TFDP2: variants seen among roughly 807,000 people sequenced by gnomAD.
TFDP2 encodes transcription factor Dp-2 (E2F dimerization partner 2).
Under a neutral mutation model 59.3 loss-of-function variants are expected in TFDP2, and 17 were observed. The ratio of observed to expected loss-of-function variants is 0.29; its 90% CI spans 0.20 to 0.43. TFDP2 has a LOEUF of 0.43. Ranked by LOEUF, TFDP2 falls within the 20% of genes least tolerant of loss-of-function variation. The pLI is 1.00. For missense variants in TFDP2, 391 were observed against 528.8 expected, an observed-to-expected ratio of 0.74 and a Z score of 2.56; for synonymous variants, 180 against 194.7, an observed-to-expected ratio of 0.92 and a Z score of 0.63.
At chr3:142,142,967 G>A (rs763621371) in intron 1 of TFDP2, among the ~76,000 whole-genome samples, 8 of 152,342 alleles carry the variant, frequency 5.3e-5, no homozygotes, top group South Asian at 2.1e-4. Context: ...TGGGCAAGGT[G>A]GCTCACGCCT....
chr3:141,974,363 C>A lies in TFDP2; in HGVS notation c.520-172G>T, dbSNP rs116348320. On this transcript the variant is annotated intron_variant, in intron 7 of 12. Transcript: ENST00000489671. ...GAATTCTATATTCCGAGAAAATATC[C>A]TTCAAAATTAAAGATGAAATAAAAA... Among the ~76,000 whole-genome samples the A allele has an allele frequency of 1.2e-3, 180 of 151,970 alleles. 1 individual carries two copies. Among genetic ancestry groups the A allele is most frequent in the African/African-American group, 4.1e-3 (169 of 41,468 alleles).
chr3:142,073,158 C>A (rs932398748), intron 3 of TFDP2, among the ~76,000 whole-genome samples: 5 of 152,324 alleles, frequency 3.3e-5, no homozygotes, highest in Non-Finnish European at 5.9e-5. Flanking sequence ...TGGCCTCAAA[C>A]TCCTGGGCTC....
intron 10 of TFDP2, 131 bp downstream of exon 10, chr3:141,963,681 G>A: frequency 9.5e-7 from 1 of 1,049,112 alleles, no homozygotes; most frequent in Non-Finnish European, 1.4e-6. Flanking sequence ...TTCAGGAGGT[G>A]TTTCATGTGC....
At chr3:142,100,565 G>T (rs1482823727) in intron 2 of TFDP2, among the ~76,000 whole-genome samples, 1 of 152,096 alleles carries the variant, frequency 6.6e-6, no homozygotes, top group Non-Finnish European at 1.5e-5. Context: ...TAGAGACGGG[G>T]TTTCACCATG....
intron 1 of TFDP2, among the ~76,000 whole-genome samples, chr3:142,116,410 G>A (rs2061854791): frequency 6.6e-6 from 1 of 152,158 alleles, no homozygotes; most frequent in African/African-American, 2.4e-5. Flanking sequence ...TGCAGACAGA[G>A]GGAAGAAGGC....
In TFDP2 at chr3:141,952,685, C is replaced by G; in HGVS notation, c.1169G>C (p.Gly390Ala). 1 of 1,609,712 alleles carries G rather than the reference C, an allele frequency of 6.2e-7. No individual in the cohort carries two copies. Among genetic ancestry groups the G allele is most frequent in the Non-Finnish European group, 8.5e-7 (1 of 1,179,042 alleles). Residue 390 changes from glycine (G) to alanine (A), a missense_variant, in exon 13 of 13, where the codon GGG becomes GCG. This residue lies in a region of TFDP2 where 223 missense variants were observed against 292.5 expected (regional missense o/e 0.76). Coordinates refer to ENST00000489671, the MANE Select transcript of TFDP2 (RefSeq NM_001178139.2). Reference sequence around the variant, plus strand: ...GGCCACTTCTGCATCCAAGCATAACCCTTGGTTTACACTAGCAAACAATTA... The same window carrying G: ...GGCCACTTCTGCATCCAAGCATAACGCTTGGTTTACACTAGCAAACAATTA... The part of the protein sequence containing the change: ...ATLPQSSVNQ[G>A]LCLDAEVALA...
chr3:141,981,045 A>G (rs1941435319), intron 6 of TFDP2, among the ~76,000 whole-genome samples: 1 of 152,118 alleles, frequency 6.6e-6, no homozygotes, highest in Admixed American at 6.6e-5. Flanking sequence ...AGGCCTTCAC[A>G]TTCACTCACC....
intron 10 of TFDP2, among the ~76,000 whole-genome samples, chr3:141,961,533 G>A (rs988147094): frequency 4.0e-5 from 6 of 151,834 alleles, no homozygotes; most frequent in East Asian, 1.9e-4. Flanking sequence ...GTGAGCCACC[G>A]TGCCCGGCCT....
At chr3:142,094,291 T>A (rs1007039858) in intron 2 of TFDP2, among the ~76,000 whole-genome samples, 11 of 151,218 alleles carry the variant, frequency 7.3e-5, no homozygotes, top group African/African-American at 2.4e-4. Flanking sequence ...TGTGGTATGA[T>A]ACCTCAAACT....
intron 3 of TFDP2, among the ~76,000 whole-genome samples, chr3:142,018,125 TAG>T (rs1264713410): frequency 2.0e-5 from 3 of 151,996 alleles, no homozygotes; most frequent in Non-Finnish European, 2.9e-5. Flanking sequence ...ATACTTTCAG[TAG>T]AGACAGGGGT....
chr3:142,138,761 C>T (rs1025511935), intron 1 of TFDP2, among the ~76,000 whole-genome samples: 2 of 152,214 alleles, frequency 1.3e-5, no homozygotes, highest in African/African-American at 4.8e-5. Context: ...TGTTATTCTA[C>T]ATTTGCTGAG....
intron 1 of TFDP2, among the ~76,000 whole-genome samples, chr3:142,115,355 C>G (rs907123096): frequency 1.1e-4 from 16 of 146,744 alleles, no homozygotes; most frequent in Non-Finnish European, 2.4e-4. Flanking sequence ...GTCCCGCTCT[C>G]TCGCTCAGGC....
At chr3:142,034,819 G>C (rs372393460) in intron 3 of TFDP2, among the ~76,000 whole-genome samples, 1 of 150,746 alleles carries the variant, frequency 6.6e-6, no homozygotes, top group Non-Finnish European at 1.5e-5. Context: ...AGGTTCTCAC[G>C]GCCTCAGCCT....
At chr3:141,999,055 T>C (rs1943537560) in intron 4 of TFDP2, among the ~76,000 whole-genome samples, 1 of 152,158 alleles carries the variant, frequency 6.6e-6, no homozygotes, top group Non-Finnish European at 1.5e-5. Flanking sequence ...AGTTGACCCT[T>C]GAACAACATG....
chr3:141,996,511 T>C (rs1943286077), intron 4 of TFDP2, among the ~76,000 whole-genome samples: 1 of 152,232 alleles, frequency 6.6e-6, no homozygotes, highest in African/African-American at 2.4e-5. Flanking sequence ...TACTGCCTTA[T>C]GCAAGACAAA....
chr3:142,127,015 CAT>C (rs966934094), intron 1 of TFDP2, among the ~76,000 whole-genome samples: 6 of 143,792 alleles, frequency 4.2e-5, no homozygotes, highest in African/African-American at 7.7e-5. Context: ...CCATCAAAAA[CAT>C]ATATGTTATA....
intron 3 of TFDP2, among the ~76,000 whole-genome samples, chr3:142,074,200 G>A (rs1368233029): frequency 1.3e-5 from 2 of 151,622 alleles, no homozygotes; most frequent in Non-Finnish European, 2.9e-5. Flanking sequence ...CCTGAGGTCA[G>A]GAGTTCGAGA....
chr3:141,980,102 A>G (rs4683415), intron 6 of TFDP2, among the ~76,000 whole-genome samples: 11,238 of 151,586 alleles, frequency 0.074, 528 homozygotes, highest in Non-Finnish European at 0.11. Context: ...ACAGGGTCTC[A>G]TTATGTTGCC....
At chr3:142,139,217 G>A (rs1393756080) in intron 1 of TFDP2, among the ~76,000 whole-genome samples, 1 of 151,994 alleles carries the variant, frequency 6.6e-6, no homozygotes, top group Admixed American at 6.6e-5. Context: ...CCATCTGCTT[G>A]GTAGATCTTC....
Sources: gnomAD v4.1 joint callset for allele counts (sites outside exome capture counted in the v4.1 genomes callset) on GRCh38, gnomAD v4.1.1 for gene constraint, gnomAD v4.1.1 regional missense constraint, MANE v1.5 for transcripts, NCBI Gene and HGNC (gene_info 2026-07-23, HGNC 2026-07-21) for gene names.